Variants in IGFL2 observed in about 807,000 individuals in gnomAD.
IGFL2 encodes the protein insulin growth factor-like family member 2.
Under a neutral mutation model 13.9 loss-of-function variants are expected in IGFL2, and 7 were observed. The ratio of observed to expected loss-of-function variants is 0.51; its 90% confidence interval spans 0.29 to 0.95. The LOEUF (loss-of-function observed/expected upper bound fraction) is 0.95. Ranked by LOEUF, IGFL2 falls within the 40% of genes least tolerant of loss-of-function variation. The pLI, the probability that IGFL2 is intolerant of heterozygous loss-of-function variation, is 0.08. For missense variants in IGFL2, 138 were observed against 147.8 expected, an observed-to-expected ratio of 0.93 and a Z score of 0.34; for synonymous variants, 55 against 55.8, an observed-to-expected ratio of 0.99 and a Z score of 0.07.
At chr19:46,151,572 G>A (rs1157977877) in intron 1 of IGFL2, among the ~76,000 whole-genome samples, 2 of 151,856 alleles carry the variant, frequency 1.3e-5, no homozygotes, top group African/African-American at 2.4e-5. Flanking sequence ...AGTTATTCTC[G>A]GTCCTTTATG....
At chr19:46,123,975 A>T in the IGFL2 span, 1 of 1,611,552 alleles carries the variant, frequency 6.2e-7, no homozygotes, top group Non-Finnish European at 8.5e-7. Flanking sequence ...GCTGGGGGCC[A>T]AAAGACTCGG....
At chr19:46,117,527 A>G in the IGFL2 span, among the ~76,000 whole-genome samples, 3 of 152,186 alleles carry the variant, frequency 2.0e-5, no homozygotes, top group African/African-American at 7.2e-5. Flanking sequence ...CACCCAGGCT[A>G]AAGTGCAGTG....
the IGFL2 span, among the ~76,000 whole-genome samples, chr19:46,134,215 ATTCT>A: frequency 6.6e-6 from 1 of 152,136 alleles, no homozygotes; most frequent in African/African-American, 2.4e-5. Flanking sequence ...AGTTCTTGGG[ATTCT>A]TTAAGTAAAA....
At position 46,160,798 on chromosome 19, in the gene IGFL2, C is replaced by CAA. The variant is rs780461549; in HGVS notation, c.259_260insAA (p.Thr87LysfsTer7). The stretch of plus-strand genomic sequence containing the variant: ...TCTGCTGTCTTGATTCCTTTGGCCT[C>CAA]ACAAACGATTTTGTTGTGAAGCTGA... On this transcript the variant is annotated frameshift_variant, in exon 3 of 4. Transcript: ENST00000377693. LOFTEE classifies it high-confidence loss of function. 1 of 1,614,066 alleles carries CAA rather than the reference C, an allele frequency of 6.2e-7. No homozygotes were observed. The highest frequency in any genetic ancestry group is 1.1e-5 in the South Asian group (1 of 91,084).
At chr19:46,190,343 G>T in the IGFL2 span, 3 of 152,210 alleles carry the variant, frequency 2.0e-5, no homozygotes, top group Non-Finnish European at 4.4e-5. Context: ...GGACATCAGG[G>T]CTCTGTCTCC....
the IGFL2 span, among the ~76,000 whole-genome samples, chr19:46,130,467 A>G: frequency 1.3e-5 from 2 of 152,150 alleles, no homozygotes; most frequent in Non-Finnish European, 2.9e-5. Context: ...TAAAGAACAT[A>G]CCATGTTATT....
the IGFL2 span, among the ~76,000 whole-genome samples, chr19:46,091,337 G>C: frequency 6.6e-6 from 1 of 152,152 alleles, no homozygotes; most frequent in Non-Finnish European, 1.5e-5. Flanking sequence ...CATTAAGTGG[G>C]GATATTTATG....
chr19:46,119,699 T>A, the IGFL2 span, among the ~76,000 whole-genome samples: 1 of 148,954 alleles, frequency 6.7e-6, no homozygotes, highest in Admixed American at 6.7e-5. Context: ...CTACTGCAGG[T>A]CAATTGGGAT....
the IGFL2 span, chr19:46,111,581 A>G: frequency 6.6e-6 from 1 of 152,264 alleles, no homozygotes. Context: ...GCCAAAACAT[A>G]TGGAAATACA....
the IGFL2 span, chr19:46,124,334 G>GAA: frequency 6.2e-7 from 1 of 1,604,176 alleles, no homozygotes; most frequent in Non-Finnish European, 8.5e-7. Flanking sequence ...AAGGGAGAAA[G>GAA]GAAAAAGGTT....
the IGFL2 span, among the ~76,000 whole-genome samples, chr19:46,082,477 A>G: frequency 6.6e-6 from 1 of 152,200 alleles, no homozygotes; most frequent in Non-Finnish European, 1.5e-5. Flanking sequence ...CTTGTGTGCC[A>G]CTGAAGAGAG....
In IGFL2 at chr19:46,148,703, C is replaced by A. The variant is rs934911112; in HGVS notation, c.19+406C>A. ...CTCCTGGGCTCAGACTCAGAAGGGA[C>A]CATAGGTGAGAATGGGTGTGGTGAG... On this transcript the variant is annotated intron_variant, in intron 1 of 3. Transcript: ENST00000377693. 5 of 610,850 alleles carry A rather than the reference C, an allele frequency of 8.2e-6. No individual in the cohort carries two copies. The African/African-American group carries it at 9.3e-5, about 11-fold the overall frequency. The allele number at this position is 610,850 out of a possible 1,614,324, so 37.8% of individuals were successfully genotyped here.
chr19:46,185,164 G>C, the IGFL2 span, among the ~76,000 whole-genome samples: 3 of 152,092 alleles, frequency 2.0e-5, no homozygotes, highest in Non-Finnish European at 4.4e-5. Context: ...TTGTCAGATG[G>C]ATAGATTGCA....
the IGFL2 span, among the ~76,000 whole-genome samples, chr19:46,100,819 C>T: frequency 2.6e-5 from 4 of 152,142 alleles, no homozygotes; most frequent in East Asian, 7.7e-4. Flanking sequence ...ATTTAATTTC[C>T]TTTCAGTGTT....
chr19:46,131,127 A>G, the IGFL2 span, among the ~76,000 whole-genome samples: 2 of 152,170 alleles, frequency 1.3e-5, no homozygotes, highest in Non-Finnish European at 2.9e-5. Context: ...TTGCTAATGA[A>G]TGTCCTATTG....
At chr19:46,215,358 A>C in the IGFL2 span, among the ~76,000 whole-genome samples, 7 of 152,206 alleles carry the variant, frequency 4.6e-5, no homozygotes, top group Non-Finnish European at 8.8e-5. Flanking sequence ...TCTTCATAAA[A>C]TATACATGAT....
the IGFL2 span, among the ~76,000 whole-genome samples, chr19:46,176,837 G>A: frequency 2.0e-5 from 3 of 152,138 alleles, no homozygotes; most frequent in African/African-American, 7.2e-5. Flanking sequence ...ATCCTCTCTG[G>A]TCCAAGGCTG....
At chr19:46,133,765 A>G in the IGFL2 span, among the ~76,000 whole-genome samples, 1 of 152,220 alleles carries the variant, frequency 6.6e-6, no homozygotes, top group African/African-American at 2.4e-5. Context: ...CCCTCTGAAG[A>G]GGAACCTCTA....
the IGFL2 span, among the ~76,000 whole-genome samples, chr19:46,179,000 A>T: frequency 1.3e-5 from 2 of 152,222 alleles, no homozygotes; most frequent in Non-Finnish European, 1.5e-5. Context: ...CACAGTGAGT[A>T]GAGCAGAGAG....
Sources: gnomAD v4.1 joint callset for allele counts (sites outside exome capture counted in the v4.1 genomes callset) on GRCh38, gnomAD v4.1.1 for gene constraint, MANE v1.5 for transcripts, NCBI Gene and HGNC (gene_info 2026-07-23, HGNC 2026-07-21) for gene names.